NRXN3: variants seen among roughly 807,000 people sequenced by gnomAD.
The protein encoded by NRXN3 is neurexin 3, also known as neurexin III.
A neutral mutation model predicts 137.6 loss-of-function variants in NRXN3; 32 were observed. That is an observed-to-expected ratio of 0.23 (90% CI 0.18 to 0.31). The LOEUF (loss-of-function observed/expected upper bound fraction) is 0.31. NRXN3 is among the 10% of genes least tolerant of loss of function. The pLI, the probability that NRXN3 is intolerant of heterozygous loss-of-function variation, is 1.00. For synonymous variants in NRXN3, 798 were observed against 784.5 expected, an observed-to-expected ratio of 1.02 and a Z score of -0.29; for missense variants, 1,574 against 2,062.5, an observed-to-expected ratio of 0.76 and a Z score of 4.59.
chr14:78,369,748 G>A (rs1410178165), intron 4 of NRXN3, among the ~76,000 whole-genome samples: 1 of 152,126 alleles, frequency 6.6e-6, no homozygotes, highest in Non-Finnish European at 1.5e-5. Flanking sequence ...TGGTAGAGAA[G>A]AGGGTCTCAC....
chr14:78,239,093 T>C (rs2153449672), intron 1 of NRXN3, among the ~76,000 whole-genome samples: 1 of 152,300 alleles, frequency 6.6e-6, no homozygotes, highest in Non-Finnish European at 1.5e-5. Flanking sequence ...GGAACAGAAG[T>C]CAAATAATCC....
Position 79,866,737 on chromosome 14 carries a change from G to A in NRXN3, c.*4773G>A, listed in dbSNP as rs1423450123. 2 of 152,154 alleles carry A rather than the reference G, an allele frequency of 1.3e-5. No homozygotes were observed. The highest frequency in any genetic ancestry group is 2.1e-4 in the South Asian group (1 of 4,828). 9.4% of individuals were successfully genotyped at this position (152,154 alleles called of 1,614,324 possible). A position where few individuals can be genotyped will look rare whatever the true frequency, so the allele number is the denominator to read the frequency against. On this transcript the variant is annotated 3_prime_UTR_variant, in exon 21 of 21. Coordinates refer to ENST00000335750, the MANE Select transcript of NRXN3 (RefSeq NM_001330195.2). ...ACTGATCTACTCTTATGGAGCAACCGAGTTTCCTGATAGAGATGTTTATCT... is the reference window on the plus strand; with the variant it reads ...ACTGATCTACTCTTATGGAGCAACCAAGTTTCCTGATAGAGATGTTTATCT...
chr14:79,608,130 C>A (rs1480210274), intron 16 of NRXN3, among the ~76,000 whole-genome samples: 1 of 152,052 alleles, frequency 6.6e-6, no homozygotes, highest in East Asian at 1.9e-4. Flanking sequence ...CAACATAGTG[C>A]CTGTGTTTTA....
intron 4 of NRXN3, among the ~76,000 whole-genome samples, chr14:78,551,830 G>A (rs2096693817): frequency 1.3e-5 from 2 of 151,444 alleles, no homozygotes; most frequent in Admixed American, 1.3e-4. Flanking sequence ...TTCTTCAAGT[G>A]GGCTTATCAA....
At chr14:79,429,535 C>T (rs1316397162) in intron 15 of NRXN3, among the ~76,000 whole-genome samples, 1 of 152,162 alleles carries the variant, frequency 6.6e-6, no homozygotes, top group African/African-American at 2.4e-5. Context: ...GTGCCTGGCA[C>T]ATAATATAAT....
At chr14:79,361,363 A>C (rs139265612) in intron 15 of NRXN3, among the ~76,000 whole-genome samples, 1 of 152,228 alleles carries the variant, frequency 6.6e-6, no homozygotes, top group African/African-American at 2.4e-5. Context: ...AGCTGAATAC[A>C]TTGCTTGTTA....
At chr14:78,697,832 G>A (rs952323909) in intron 6 of NRXN3, 3 of 151,970 alleles carry the variant, frequency 2.0e-5, no homozygotes, top group Admixed American at 6.6e-5. Context: ...TCTGTTATCA[G>A]CTACCTGCCA....
chr14:79,153,012 C>G (rs11625020), intron 15 of NRXN3, among the ~76,000 whole-genome samples: 32,917 of 151,756 alleles, frequency 0.22, 4,004 homozygotes, highest in Middle Eastern at 0.3. Context: ...ATCTAGGGTT[C>G]ACAAAACAAT....
At chr14:79,063,712 A>G (rs1449482312) in intron 15 of NRXN3, among the ~76,000 whole-genome samples, 6 of 152,182 alleles carry the variant, frequency 3.9e-5, no homozygotes, top group African/African-American at 1.4e-4. Flanking sequence ...CAAGCCGAGG[A>G]AAGAGAAAAA....
intron 10 of NRXN3, among the ~76,000 whole-genome samples, chr14:78,946,001 A>G (rs1015037605): frequency 1.3e-5 from 2 of 152,228 alleles, no homozygotes; most frequent in African/African-American, 4.8e-5. Context: ...GAGGCAGAAA[A>G]TGTAACCCTC....
At chr14:79,385,051 T>A (rs1041484288) in intron 15 of NRXN3, among the ~76,000 whole-genome samples, 2 of 152,014 alleles carry the variant, frequency 1.3e-5, no homozygotes, top group African/African-American at 4.8e-5. Flanking sequence ...TAGATGATAA[T>A]TTAGATGGTG....
At chr14:78,939,925 T>A (rs978565429) in intron 10 of NRXN3, among the ~76,000 whole-genome samples, 1 of 152,236 alleles carries the variant, frequency 6.6e-6, no homozygotes, top group African/African-American at 2.4e-5. Context: ...ATAAGTTCCA[T>A]CCAACTTTTT....
At chr14:79,423,815 C>T (rs923733757) in intron 15 of NRXN3, among the ~76,000 whole-genome samples, 3 of 152,336 alleles carry the variant, frequency 2.0e-5, no homozygotes, top group East Asian at 1.9e-4. Flanking sequence ...AACACTGGCT[C>T]AGAGGAGACA....
chr14:79,125,919 A>G (rs1037086004), intron 15 of NRXN3, among the ~76,000 whole-genome samples: 1 of 152,180 alleles, frequency 6.6e-6, no homozygotes, highest in Non-Finnish European at 1.5e-5. Flanking sequence ...ACGCTTATGC[A>G]ACTCCTTTCG....
At chr14:79,425,227 A>G (rs2095638301) in intron 15 of NRXN3, among the ~76,000 whole-genome samples, 1 of 152,192 alleles carries the variant, frequency 6.6e-6, no homozygotes, top group South Asian at 2.1e-4. Context: ...CAATGATAGT[A>G]CCTACTTCTT....
At chr14:78,705,944 A>G (rs2098342776) in intron 6 of NRXN3, among the ~76,000 whole-genome samples, 1 of 152,180 alleles carries the variant, frequency 6.6e-6, no homozygotes, top group African/African-American at 2.4e-5. Flanking sequence ...AGAAATCTTC[A>G]TTCCGGCTAT....
At chr14:79,652,754 C>T (rs886255310) in intron 16 of NRXN3, among the ~76,000 whole-genome samples, 1 of 151,914 alleles carries the variant, frequency 6.6e-6, no homozygotes, top group Non-Finnish European at 1.5e-5. Context: ...CTTTCCTTTT[C>T]ATATTTCTGC....
chr14:78,203,803 GGTGTGTGTGTGTGTGTGT>G (rs3059003), intron 1 of NRXN3, among the ~76,000 whole-genome samples: 1 of 133,948 alleles, frequency 7.5e-6, no homozygotes, highest in African/African-American at 2.8e-5. Context: ...GATCCTTCCA[GGTGTGTGTGTGTGTGTGT>G]GTGTGTGTGT....
chr14:78,609,937 A>G (rs1220671409), intron 4 of NRXN3, among the ~76,000 whole-genome samples: 1 of 152,070 alleles, frequency 6.6e-6, no homozygotes, highest in Non-Finnish European at 1.5e-5. Flanking sequence ...TGGTACCAGC[A>G]AACAGGGATC....
Sources: allele counts gnomAD v4.1 joint callset (sites outside exome capture counted in the v4.1 genomes callset), GRCh38; gene constraint gnomAD v4.1.1; transcripts MANE v1.5; gene names NCBI Gene and HGNC (gene_info 2026-07-23, HGNC 2026-07-21).